The following EHBP1 variants were observed in gnomAD, a reference collection of about 807,000 sequenced individuals.
EHBP1 encodes EH domain-binding protein 1.
EHBP1 carries 55 observed loss-of-function variants against 144.0 expected under a neutral mutation model. That is an observed-to-expected ratio of 0.38 (90% CI 0.31 to 0.48). The LOEUF is 0.48. EHBP1 is among the 20% of genes least tolerant of loss of function. EHBP1 has a pLI of 0.98. For synonymous variants in EHBP1, 469 were observed against 472.7 expected (o/e 0.99, Z 0.10); for missense variants, 1,200 against 1,364.2 (o/e 0.88, Z 1.90).
At chr2:62,682,666 C>G (rs944206668) in intron 1 of EHBP1, among the ~76,000 whole-genome samples, 21 of 152,188 alleles carry the variant, frequency 1.4e-4, no homozygotes, top group African/African-American at 5.1e-4. Context: ...GGTACCAGCA[C>G]AATATTGAGC....
Position 63,046,458 on chromosome 2 carries a change from C to T in EHBP1, c.*958C>T, listed in dbSNP as rs1350176776. On this transcript the variant is annotated 3_prime_UTR_variant, in exon 23 of 23. Transcript: ENST00000431489. Reference sequence around the variant, plus strand: ...CAATACTGAGTCATATATAAATTTTCAATAAAAGCAGAAACTTTCTTACCT... The same window carrying T: ...CAATACTGAGTCATATATAAATTTTTAATAAAAGCAGAAACTTTCTTACCT... 6.6e-6 allele frequency: 1 copy of T among 152,494 alleles called. No homozygotes were observed. Among genetic ancestry groups the T allele is most frequent in the Non-Finnish European group, 1.5e-5 (1 of 68,004 alleles). 9.4% of individuals were successfully genotyped at this position (152,494 alleles called of 1,614,324 possible).
intron 20 of EHBP1, among the ~76,000 whole-genome samples, chr2:63,037,999 A>G (rs1242728493): frequency 6.6e-6 from 1 of 152,162 alleles, no homozygotes; most frequent in African/African-American, 2.4e-5. Flanking sequence ...ATAACTCTTA[A>G]TAAGGACAAA....
intron 19 of EHBP1, among the ~76,000 whole-genome samples, chr2:63,021,841 A>C (rs1311061553): frequency 6.6e-6 from 1 of 151,292 alleles, no homozygotes; most frequent in Non-Finnish European, 1.5e-5. Context: ...ATATCTGCTC[A>C]CTACAACCTC....
chr2:62,695,978 G>A (rs1405516711), intron 1 of EHBP1, among the ~76,000 whole-genome samples: 1 of 152,062 alleles, frequency 6.6e-6, no homozygotes, highest in Non-Finnish European at 1.5e-5. Context: ...CTCCCAAAGT[G>A]CTGGGATTAC....
chr2:62,931,347 G>A (rs2055973520), intron 10 of EHBP1, among the ~76,000 whole-genome samples: 1 of 152,124 alleles, frequency 6.6e-6, no homozygotes, highest in Non-Finnish European at 1.5e-5. Flanking sequence ...CATTAGGATG[G>A]CTACTATCTT....
chr2:62,940,678 T>C (rs2056702111), intron 10 of EHBP1, among the ~76,000 whole-genome samples: 1 of 152,194 alleles, frequency 6.6e-6, no homozygotes, highest in Non-Finnish European at 1.5e-5. Context: ...GGCTCTATGA[T>C]TTTCTTTCTT....
chr2:62,674,102 C>T (rs2033198291), intron 1 of EHBP1: 1 of 471,056 alleles, frequency 2.1e-6, no homozygotes, highest in Non-Finnish European at 4.4e-6. Context: ...TGGTAGGCCA[C>T]AAGCATCCTC....
At chr2:62,770,993 C>T (rs577330149) in intron 4 of EHBP1, among the ~76,000 whole-genome samples, 35 of 151,778 alleles carry the variant, frequency 2.3e-4, no homozygotes, top group Non-Finnish European at 3.7e-4. Flanking sequence ...ACAGACACTG[C>T]GGCCTATGGG....
At chr2:62,694,622 A>T (rs1217202164) in intron 1 of EHBP1, among the ~76,000 whole-genome samples, 5 of 152,154 alleles carry the variant, frequency 3.3e-5, no homozygotes, top group South Asian at 2.1e-4. Context: ...GTAGACATTT[A>T]AAAAAATGAC....
intron 1 of EHBP1, among the ~76,000 whole-genome samples, chr2:62,684,167 G>A (rs1480270392): frequency 1.3e-5 from 2 of 152,164 alleles, no homozygotes; most frequent in Non-Finnish European, 2.9e-5. Context: ...CCTTGGTGCT[G>A]TATCATTGAG....
chr2:62,856,574 A>G (rs1244094163), intron 7 of EHBP1, among the ~76,000 whole-genome samples: 1 of 152,238 alleles, frequency 6.6e-6, no homozygotes, highest in African/African-American at 2.4e-5. Context: ...CCAGGTCAGT[A>G]GCGTGAGCCA....
At chr2:62,824,456 C>T (rs1038495205) in intron 5 of EHBP1, among the ~76,000 whole-genome samples, 1 of 151,900 alleles carries the variant, frequency 6.6e-6, no homozygotes, top group Non-Finnish European at 1.5e-5. Flanking sequence ...CATACTTTTT[C>T]ATTTTGCTCA....
chr2:62,864,692 G>A, intron 8 of EHBP1, 39 bp from the exon 9 acceptor site: 1 of 1,556,900 alleles, frequency 6.4e-7, no homozygotes. Flanking sequence ...ATATCATATG[G>A]TATTCATGTG....
At chr2:62,995,293 AGTTTT>A (rs1370994359) in intron 18 of EHBP1, among the ~76,000 whole-genome samples, 1 of 152,080 alleles carries the variant, frequency 6.6e-6, no homozygotes, top group Non-Finnish European at 1.5e-5. Flanking sequence ...TGAGAAATTT[AGTTTT>A]ATGATTTCTT....
intron 1 of EHBP1, among the ~76,000 whole-genome samples, chr2:62,696,585 C>T (rs2034107220): frequency 7.8e-6 from 1 of 128,686 alleles, no homozygotes; most frequent in South Asian, 2.5e-4. Context: ...GCTATCTCTG[C>T]TCACTGCAAG....
At chr2:62,789,071 A>G (rs567650549) in intron 5 of EHBP1, among the ~76,000 whole-genome samples, 10 of 152,342 alleles carry the variant, frequency 6.6e-5, no homozygotes, top group African/African-American at 2.2e-4. Flanking sequence ...AGTCACACCT[A>G]TGGAGACTAG....
At chr2:62,768,373 AACT>A in intron 4 of EHBP1, among the ~76,000 whole-genome samples, 1 of 152,192 alleles carries the variant, frequency 6.6e-6, no homozygotes, top group East Asian at 1.9e-4. Flanking sequence ...AACCATCAGA[AACT>A]ACTATGAACA....
chr2:62,981,874 T>C (rs755586363), intron 15 of EHBP1, among the ~76,000 whole-genome samples: 3 of 152,206 alleles, frequency 2.0e-5, no homozygotes, highest in African/African-American at 4.8e-5. Flanking sequence ...TCAGGTTTCT[T>C]ATTCCTGAAG....
chr2:62,867,200 A>G (rs972917225), intron 9 of EHBP1, among the ~76,000 whole-genome samples: 2 of 152,148 alleles, frequency 1.3e-5, no homozygotes, highest in African/African-American at 2.4e-5. Flanking sequence ...GTTTTATAAC[A>G]TATAGAAGTA....
Sources: gnomAD v4.1 joint callset for allele counts (sites outside exome capture counted in the v4.1 genomes callset) on GRCh38, gnomAD v4.1.1 for gene constraint, MANE v1.5 for transcripts, NCBI Gene and HGNC (gene_info 2026-07-23, HGNC 2026-07-21) for gene names.